AVEN: variants seen among roughly 807,000 people sequenced by gnomAD.
AVEN encodes apoptosis and caspase activation inhibitor.
A neutral mutation model predicts 38.1 loss-of-function variants in AVEN; 41 were observed. The observed-to-expected ratio is 1.08, with a 90% CI of 0.84 to 1.40. The LOEUF is 1.40. Ranked by LOEUF, AVEN falls within the 40% of genes most tolerant of loss-of-function variation. The probability of loss-of-function intolerance (pLI) is 0.00; values close to 1 mark genes in which losing one functional copy is unlikely to be tolerated. For missense variants in AVEN, 605 were observed against 438.8 expected, an observed-to-expected ratio of 1.38 and a Z score of -3.38; for synonymous variants, 206 against 171.8, an observed-to-expected ratio of 1.20 and a Z score of -1.56.
chr15:33,962,285 G>A (rs118122436), intron 2 of AVEN, among the ~76,000 whole-genome samples: 1,781 of 152,234 alleles, frequency 0.012, 10 homozygotes, highest in Middle Eastern at 0.02. Context: ...TATTTCAGAA[G>A]GTAAGAATTA....
At position 33,866,277 on chromosome 15, in the gene AVEN, T is replaced by A. The variant is rs1196928769; in HGVS notation, c.*336A>T. 2.4e-5 allele frequency: 6 copies of A among 253,966 alleles called. No homozygotes were observed. The highest frequency in any genetic ancestry group is 4.5e-5 in the Non-Finnish European group (6 of 133,172). The allele number at this position is 253,966 out of a possible 1,614,324, so 15.7% of individuals were successfully genotyped here. A position where few individuals can be genotyped will look rare whatever the true frequency, so the allele number is the denominator to read the frequency against. ...TGGCCAAATGCATGCCTTGTTTGCA[T>A]CTATTCTCTTAATCAGCAGCAGCAT... On this transcript the variant is annotated 3_prime_UTR_variant, in exon 6 of 6. Transcript: ENST00000306730.
chr15:33,872,453 G>A (rs746583812), intron 3 of AVEN, among the ~76,000 whole-genome samples: 171 of 152,268 alleles, frequency 1.1e-3, no homozygotes, highest in Non-Finnish European at 1.0e-3. Context: ...GGGGCCCAGA[G>A]ACCATGTGTA....
chr15:33,922,784 T>G (rs1893451022), intron 2 of AVEN, among the ~76,000 whole-genome samples: 1 of 152,156 alleles, frequency 6.6e-6, no homozygotes, highest in Non-Finnish European at 1.5e-5. Context: ...GGCCTTCTCT[T>G]CTTACAGCTT....
chr15:34,063,434 T>A lies in AVEN; in HGVS notation n.1127-2A>T. 4 of 1,613,890 alleles carry A rather than the reference T, an allele frequency of 2.5e-6. No individual in the cohort carries two copies. The highest frequency in any genetic ancestry group is 3.4e-6 in the Non-Finnish European group (4 of 1,180,030). The stretch of plus-strand genomic sequence containing the variant: ...AGGGTTCTGACTCTGTGACCAAAGC[T>A]GAGAAGAGAAAGCCAGCTCATAGGG... On this transcript the variant is annotated splice_acceptor_variant and non_coding_transcript_variant, in intron 4 of 11. Coordinates refer to the AVEN transcript ENST00000675287. This position sits in a 1 kb window ranked among gnomAD's most constrained non-coding sequence, Gnocchi z 4.1.
chr15:33,881,777 A>T (rs891342), intron 2 of AVEN, among the ~76,000 whole-genome samples: 150,193 of 152,324 alleles, frequency 0.99, 74,089 homozygotes, highest in Middle Eastern at 1. Context: ...TAAGATAGCA[A>T]GGGGTATTCA....
At chr15:34,057,112 C>T (rs956630083) in intron 5 of AVEN, among the ~76,000 whole-genome samples, 33 of 150,124 alleles carry the variant, frequency 2.2e-4, no homozygotes, top group African/African-American at 8.0e-4. Flanking sequence ...AGGCTCATTC[C>T]TACCAGGAGA....
chr15:33,952,457 C>G (rs998813922), intron 2 of AVEN, among the ~76,000 whole-genome samples: 1 of 152,090 alleles, frequency 6.6e-6, no homozygotes, highest in East Asian at 1.9e-4. Context: ...AAGTCTCATC[C>G]ACTGTAATTT....
At chr15:34,060,296 T>C (rs1597394150) in intron 5 of AVEN, among the ~76,000 whole-genome samples, 1 of 152,190 alleles carries the variant, frequency 6.6e-6, no homozygotes, top group East Asian at 1.9e-4. Context: ...TTAGACTGCA[T>C]GTGTTTGGGA....
intron 2 of AVEN, among the ~76,000 whole-genome samples, chr15:33,974,712 C>T (rs1438848108): frequency 6.6e-6 from 1 of 152,206 alleles, no homozygotes; most frequent in African/African-American, 2.4e-5. Flanking sequence ...GTGGCTCACG[C>T]CTGTAATCCC....
chr15:33,948,777 A>G (rs1016616401), intron 2 of AVEN, among the ~76,000 whole-genome samples: 5 of 152,230 alleles, frequency 3.3e-5, no homozygotes, highest in African/African-American at 1.2e-4. Context: ...GGTTCAAGTG[A>G]TTCTCCTGTC....
rs1422498003 is a variant in AVEN at position 33,954,011 on chromosome 15, C to T, written c.445+49021G>A. ...GCAAAGGATATGAACAGACACTTCTCAAAAGAAGACATTTATGCAGCCAAC... is the reference window on the plus strand; with the variant it reads ...GCAAAGGATATGAACAGACACTTCTTAAAAGAAGACATTTATGCAGCCAAC... On this transcript the variant is annotated intron_variant, in intron 2 of 5. Transcript: ENST00000306730. Among the ~76,000 whole-genome samples the T allele has an allele frequency of 2.0e-5, 3 of 152,144 alleles. No individual in the cohort carries two copies. The East Asian group carries it at 5.8e-4, about 29-fold the overall frequency.
At chr15:33,919,978 T>TG (rs1893328903) in intron 2 of AVEN, among the ~76,000 whole-genome samples, 1 of 152,140 alleles carries the variant, frequency 6.6e-6, no homozygotes, top group Admixed American at 6.5e-5. Flanking sequence ...CTTTAAGACC[T>TG]CTTCCTAACC....
chr15:33,934,686 C>T (rs1480175814), intron 2 of AVEN, among the ~76,000 whole-genome samples: 2 of 152,168 alleles, frequency 1.3e-5, no homozygotes, highest in Non-Finnish European at 2.9e-5. Flanking sequence ...CAAAGCATTA[C>T]AGAAACAATC....
At chr15:33,855,244 C>CTGGAGTGCAG (rs1428589923), downstream of AVEN, among the ~76,000 whole-genome samples, 9 of 151,850 alleles carry the variant, frequency 5.9e-5, no homozygotes, top group East Asian at 1.7e-3. Context: ...GTAGCCCAGG[C>CTGGAGTGCAG]TGGAGTGCAG....
intron 2 of AVEN, among the ~76,000 whole-genome samples, chr15:33,943,428 C>A (rs13379743): frequency 0.079 from 11,732 of 147,988 alleles, 1,384 homozygotes; most frequent in African/African-American, 0.26. Context: ...ATAGAAAGTA[C>A]AATGAAGGCT....
At chr15:33,884,217 C>G (rs759633302) in intron 2 of AVEN, among the ~76,000 whole-genome samples, 6 of 152,104 alleles carry the variant, frequency 3.9e-5, no homozygotes, top group Non-Finnish European at 8.8e-5. Context: ...TGCTAGGCCT[C>G]TTGGCTATCT....
chr15:33,911,003 A>G (rs111339252), intron 2 of AVEN, among the ~76,000 whole-genome samples: 51 of 152,368 alleles, frequency 3.3e-4, no homozygotes, highest in African/African-American at 1.2e-3. Context: ...ATTGTGACTC[A>G]ACATTGGGTT....
chr15:33,963,999 C>A (rs1208845782), intron 2 of AVEN, among the ~76,000 whole-genome samples: 2 of 151,562 alleles, frequency 1.3e-5, no homozygotes, highest in South Asian at 2.1e-4. Context: ...TCATTAGGAT[C>A]TAAAAGGATG....
intron 2 of AVEN, among the ~76,000 whole-genome samples, chr15:33,998,022 T>G (rs1361510271): frequency 1.3e-5 from 2 of 152,160 alleles, no homozygotes; most frequent in African/African-American, 4.8e-5. Flanking sequence ...TGCTCTCTCC[T>G]TCCACTTCCA....
Sources: gnomAD v4.1 joint callset for allele counts (sites outside exome capture counted in the v4.1 genomes callset) on GRCh38, gnomAD v4.1.1 for gene constraint, Gnocchi (gnomAD v3.1) non-coding constraint, MANE v1.5 for transcripts, NCBI Gene and HGNC (gene_info 2026-07-23, HGNC 2026-07-21) for gene names.